C14orf39: variants seen among roughly 807,000 people sequenced by gnomAD.
C14orf39 encodes the protein chromosome 14 open reading frame 39.
C14orf39 carries 66 observed loss-of-function variants against 85.6 expected under a neutral mutation model. The ratio of observed to expected loss-of-function variants is 0.77; its 90% CI spans 0.63 to 0.95. C14orf39 has a LOEUF of 0.95. C14orf39 is among the 40% of genes least tolerant of loss of function. The pLI is 0.00. For synonymous variants in C14orf39, 242 were observed against 214.0 expected, an observed-to-expected ratio of 1.13 and a Z score of -1.14; for missense variants, 735 against 663.9, an observed-to-expected ratio of 1.11 and a Z score of -1.18.
intron 5 of C14orf39, among the ~76,000 whole-genome samples, chr14:60,474,767 G>T (rs1175941918): frequency 3.3e-5 from 5 of 151,990 alleles, no homozygotes; most frequent in Non-Finnish European, 7.4e-5. Flanking sequence ...GATCATGGTG[G>T]ATAAGCTTTT....
Position 60,469,632 on chromosome 14 carries a change from T to G in C14orf39, c.576A>C (p.Thr192=), listed in dbSNP as rs751314687. The change falls in exon 8 of 18, where the codon ACA becomes ACC. Residue 192 remains threonine, a synonymous_variant. Coordinates refer to ENST00000321731, the MANE Select transcript of C14orf39 (RefSeq NM_174978.3). ...TLNIVNLRCE[T]QDILKHASNL... is the part of the protein sequence containing the mutation. Reference sequence around the variant, plus strand: ...TGCTGGCATGTTTAAGAATATCTTGTGTTTCACATCTCAAATTAACACTTT... The same window carrying G: ...TGCTGGCATGTTTAAGAATATCTTGGGTTTCACATCTCAAATTAACACTTT... The G allele has an allele frequency of 7.0e-7, 1 of 1,424,532 alleles. No homozygotes were observed. The highest frequency in any genetic ancestry group is 9.5e-7 in the Non-Finnish European group (1 of 1,050,360). 88.2% of individuals were successfully genotyped at this position (1,424,532 alleles called of 1,614,324 possible).
intron 10 of C14orf39, among the ~76,000 whole-genome samples, 167 bp downstream of exon 10, chr14:60,466,750 C>T (rs374205877): frequency 2.0e-5 from 3 of 151,756 alleles, no homozygotes; most frequent in Non-Finnish European, 2.9e-5. Context: ...GTATAGAAGA[C>T]ATATTTTGTT....
rs1893351189 is a variant in C14orf39 at position 60,515,354 on chromosome 14, G to A, written c.-144+41C>T. The A allele has an allele frequency of 6.6e-6, 1 of 151,892 alleles. No homozygotes were observed. Among genetic ancestry groups the A allele is most frequent in the Admixed American group, 6.5e-5 (1 of 15,270 alleles). The allele number at this position is 151,892 out of a possible 1,614,324, so 9.4% of individuals were successfully genotyped here. ...ATCTCCCCACGGAGGCCACAGATCT[G>A]GGTCCCCGAGGAAGGAGAGCCCCCC... On this transcript the variant is annotated intron_variant, in intron 1 of 5. Transcript: ENST00000556799. This position sits in a 1 kb window ranked among gnomAD's most constrained non-coding sequence, Gnocchi z 6.2.
At chr14:60,513,855 GA>G (rs1893327659) in intron 1 of C14orf39, among the ~76,000 whole-genome samples, 1 of 152,226 alleles carries the variant, frequency 6.6e-6, no homozygotes, top group Non-Finnish European at 1.5e-5. Context: ...ACCAAACAGT[GA>G]TGGAGCATTT....
intron 16 of C14orf39, among the ~76,000 whole-genome samples, chr14:60,445,842 C>A (rs1340214794): frequency 6.6e-6 from 1 of 152,124 alleles, no homozygotes; most frequent in Non-Finnish European, 1.5e-5. Context: ...TGTAAAAGGA[C>A]ATAAATCACA....
chr14:60,472,436 A>C (rs1288073842), intron 5 of C14orf39, among the ~76,000 whole-genome samples: 3 of 152,130 alleles, frequency 2.0e-5, no homozygotes, highest in South Asian at 2.1e-4. Context: ...GTTTTAGGGT[A>C]TATGTGCACA....
In C14orf39 at chr14:60,436,154, T is replaced by C. The variant is rs1342087956; in HGVS notation, c.*691A>G. ...TTATTGAAGGAGACAAAATTGTAAA[T>C]GTTCTTCAAAAAATATTTAAGCAAA... On this transcript the variant is annotated 3_prime_UTR_variant, in exon 18 of 18. Coordinates refer to ENST00000321731, the MANE Select transcript of C14orf39 (RefSeq NM_174978.3). 2 of 152,074 alleles carry C rather than the reference T, an allele frequency of 1.3e-5. No homozygotes were observed. Among genetic ancestry groups the C allele is most frequent in the African/African-American group, 2.4e-5 (1 of 41,430 alleles). The allele number at this position is 152,074 out of a possible 1,614,324, so 9.4% of individuals were successfully genotyped here.
At chr14:60,502,125 C>G (rs1222071456) in intron 1 of C14orf39, among the ~76,000 whole-genome samples, 1 of 152,150 alleles carries the variant, frequency 6.6e-6, no homozygotes, top group East Asian at 1.9e-4. Flanking sequence ...CCTAAAATAC[C>G]ATTATAGTGA....
At position 60,466,063 on chromosome 14, in the gene C14orf39, A is replaced by G. The variant is rs1891776290; in HGVS notation, c.896-8T>C. ...AACTTTCTTCTTTTATATCTAGATT[A>G]TTAAATAGTACTACTTTAAATCAAT... On this transcript the variant is annotated splice_polypyrimidine_tract_variant and splice_region_variant and intron_variant, in intron 10 of 17. Coordinates refer to ENST00000321731, the MANE Select transcript of C14orf39 (RefSeq NM_174978.3). 7.3e-7 allele frequency: 1 copy of G among 1,379,080 alleles called. No homozygotes were observed. Among genetic ancestry groups the G allele is most frequent in the Non-Finnish European group, 9.8e-7 (1 of 1,015,664 alleles). 85.4% of individuals were successfully genotyped at this position (1,379,080 alleles called of 1,614,324 possible).
chr14:60,501,758 G>A (rs546082542), intron 1 of C14orf39, among the ~76,000 whole-genome samples: 1 of 152,296 alleles, frequency 6.6e-6, no homozygotes, highest in East Asian at 1.9e-4. Flanking sequence ...TGCTTGGAAA[G>A]TTTCGAGAAA....
intron 5 of C14orf39, among the ~76,000 whole-genome samples, chr14:60,476,830 C>T (rs756092152): frequency 2.8e-4 from 43 of 152,018 alleles, no homozygotes; most frequent in Non-Finnish European, 5.1e-4. Flanking sequence ...TCTCAAACCT[C>T]AGGAAAAGCC....
chr14:60,455,280 A>G, intron 15 of C14orf39, 135 bp from the exon 16 acceptor site: 1 of 576,212 alleles, frequency 1.7e-6, no homozygotes, highest in South Asian at 2.9e-5. Context: ...TGAAGTGACA[A>G]TCCTATCGAG....
intron 1 of C14orf39, chr14:60,510,944 C>T (rs1893281795): frequency 1.0e-5 from 9 of 861,424 alleles, no homozygotes; most frequent in South Asian, 3.3e-5. Context: ...TGTCGCCTTG[C>T]CGAGTAATCC....
chr14:60,447,811 AACCAAAACAGCTTGGTACTGGT>A (rs1460054494), intron 16 of C14orf39, among the ~76,000 whole-genome samples: 1 of 152,212 alleles, frequency 6.6e-6, no homozygotes, highest in Non-Finnish European at 1.5e-5. Context: ...AGTCTATAGT[AACCAAAACAGCTTGGTACTGGT>A]ACCAAAACAG....
chr14:60,465,283 T>C (rs1421798935), intron 11 of C14orf39, among the ~76,000 whole-genome samples: 4 of 152,282 alleles, frequency 2.6e-5, no homozygotes, highest in South Asian at 2.1e-4. Context: ...AGAACAATTA[T>C]ATTTTTCATT....
chr14:60,473,064 C>A (rs1364379432), intron 5 of C14orf39, among the ~76,000 whole-genome samples: 6 of 152,178 alleles, frequency 3.9e-5, no homozygotes, highest in African/African-American at 1.4e-4. Flanking sequence ...TCTCCAGCAC[C>A]TGTTGTTTCC....
chr14:60,475,885 C>T (rs149432923), intron 5 of C14orf39, among the ~76,000 whole-genome samples: 172 of 152,164 alleles, frequency 1.1e-3, no homozygotes, highest in African/African-American at 3.9e-3. Context: ...TCAAGATTTT[C>T]TCATTTCTTG....
intron 13 of C14orf39, among the ~76,000 whole-genome samples, chr14:60,460,684 CAT>C (rs954943468): frequency 5.3e-5 from 8 of 151,672 alleles, no homozygotes; most frequent in Admixed American, 3.9e-4. Flanking sequence ...CATGTATACA[CAT>C]GTGTGTGTAT....
At chr14:60,461,454 G>T (rs757144574) in intron 12 of C14orf39, 42 bp from the exon 13 acceptor site, 3 of 1,571,624 alleles carry the variant, frequency 1.9e-6, no homozygotes, top group African/African-American at 2.7e-5. Flanking sequence ...TTTCTGAGTT[G>T]ATATCTATAA....
Sources: allele counts gnomAD v4.1 joint callset (sites outside exome capture counted in the v4.1 genomes callset), GRCh38; gene constraint gnomAD v4.1.1; non-coding constraint Gnocchi (gnomAD v3.1); transcripts MANE v1.5; gene names NCBI Gene and HGNC (gene_info 2026-07-23, HGNC 2026-07-21).